Variants in SUMF1 observed in about 807,000 individuals in gnomAD.
SUMF1 encodes formylglycine-generating enzyme.
Under a neutral mutation model 47.6 loss-of-function variants are expected in SUMF1, and 48 were observed. That is an observed-to-expected ratio of 1.01 (90% CI 0.80 to 1.28). The LOEUF (loss-of-function observed/expected upper bound fraction) is 1.28. SUMF1 is among the 50% of genes most tolerant of loss of function. The probability of loss-of-function intolerance (pLI) is 0.00; values close to 1 mark genes in which losing one functional copy is unlikely to be tolerated. For missense variants in SUMF1, 571 were observed against 485.4 expected, an observed-to-expected ratio of 1.18 and a Z score of -1.66; for synonymous variants, 230 against 192.1, an observed-to-expected ratio of 1.20 and a Z score of -1.63.
At chr3:4,311,074 C>A (rs1698386755) in intron 8 of SUMF1, among the ~76,000 whole-genome samples, 1 of 152,164 alleles carries the variant, frequency 6.6e-6, no homozygotes, top group South Asian at 2.1e-4. Context: ...AGAAACAACA[C>A]AAACAAAAGC....
At chr3:4,165,336 C>T (rs1694675101) in intron 8 of SUMF1, among the ~76,000 whole-genome samples, 1 of 152,100 alleles carries the variant, frequency 6.6e-6, no homozygotes, top group Non-Finnish European at 1.5e-5. Context: ...CCGGGTTGGG[C>T]TAAATTCCCT....
At chr3:4,167,126 T>G (rs2125119861) in intron 8 of SUMF1, among the ~76,000 whole-genome samples, 1 of 152,066 alleles carries the variant, frequency 6.6e-6, no homozygotes, top group South Asian at 2.1e-4. Context: ...CTCACTAACT[T>G]CAAGAATGAA....
At chr3:4,287,396 A>G (rs1461623957) in intron 8 of SUMF1, among the ~76,000 whole-genome samples, 1 of 127,860 alleles carries the variant, frequency 7.8e-6, no homozygotes, top group Non-Finnish European at 1.7e-5. Flanking sequence ...AAGAATAATG[A>G]ACATAAATTG....
intron 8 of SUMF1, among the ~76,000 whole-genome samples, chr3:4,105,234 G>T (rs1218662065): frequency 6.6e-6 from 1 of 152,080 alleles, no homozygotes; most frequent in African/African-American, 2.4e-5. Flanking sequence ...TGGGAGGGTA[G>T]AATGAGAAAA....
chr3:4,425,003 C>T (rs1702024295), intron 3 of SUMF1, among the ~76,000 whole-genome samples: 1 of 152,208 alleles, frequency 6.6e-6, no homozygotes, highest in Admixed American at 6.5e-5. Flanking sequence ...ATGCCAGTTG[C>T]ATCCTTCTTC....
intron 8 of SUMF1, among the ~76,000 whole-genome samples, chr3:4,293,716 A>C (rs757195668): frequency 2.1e-4 from 32 of 152,224 alleles, no homozygotes; most frequent in Non-Finnish European, 4.0e-4. Flanking sequence ...CAGTGAGATC[A>C]AGGTTTCCTT....
intron 9 of SUMF1, among the ~76,000 whole-genome samples, chr3:4,041,632 T>C (rs1485455487): frequency 6.6e-6 from 1 of 152,078 alleles, no homozygotes; most frequent in African/African-American, 2.4e-5. Context: ...GGAAGAAAAC[T>C]TGCCCCCATT....
chr3:4,262,027 T>C (rs1310729043), intron 8 of SUMF1, among the ~76,000 whole-genome samples: 1 of 152,190 alleles, frequency 6.6e-6, no homozygotes, highest in Non-Finnish European at 1.5e-5. Flanking sequence ...GGCCCTCTTC[T>C]TTTCAAAATG....
chr3:4,310,618 T>G (rs887771261), intron 8 of SUMF1, among the ~76,000 whole-genome samples: 2 of 152,230 alleles, frequency 1.3e-5, no homozygotes, highest in African/African-American at 4.8e-5. Flanking sequence ...GGATTATAGC[T>G]TGTGCAGCAA....
intron 8 of SUMF1, among the ~76,000 whole-genome samples, chr3:4,253,703 C>T (rs975352631): frequency 6.7e-6 from 1 of 149,626 alleles, no homozygotes; most frequent in Non-Finnish European, 1.5e-5. Context: ...CCGCCATTGG[C>T]CAGGCTTGAT....
intron 8 of SUMF1, among the ~76,000 whole-genome samples, chr3:4,367,742 TCCC>T (rs1700027266): frequency 6.6e-6 from 1 of 152,136 alleles, no homozygotes; most frequent in African/African-American, 2.4e-5. Context: ...GGGAAAGGAT[TCCC>T]TATTTAATAA....
chr3:4,054,401 G>T (rs1233166845), intron 9 of SUMF1, among the ~76,000 whole-genome samples: 1 of 152,096 alleles, frequency 6.6e-6, no homozygotes, highest in East Asian at 1.9e-4. Flanking sequence ...TGAAAACCTT[G>T]CTGACAACAG....
chr3:4,303,643 C>T, intron 8 of SUMF1: 4 of 1,428,014 alleles, frequency 2.8e-6, no homozygotes, highest in Non-Finnish European at 3.7e-6. Flanking sequence ...TCTTACAGCG[C>T]ACCCGTTGGT....
chr3:4,176,096 CA>C (rs1694953980), intron 8 of SUMF1, among the ~76,000 whole-genome samples: 1 of 152,070 alleles, frequency 6.6e-6, no homozygotes, highest in Admixed American at 6.6e-5. Flanking sequence ...AGAGTGGAAC[CA>C]AGATGGAAAA....
rs564479619 is a variant in SUMF1, at chr3:4,374,725, G to T, written c.1014+1605C>A. On this transcript the variant is annotated intron_variant, in intron 8 of 8. Coordinates refer to ENST00000272902, the MANE Select transcript of SUMF1 (RefSeq NM_182760.4). ...ATTCACCTGTTTTCCATGGAAGTCT[G>T]GTTTCCTGGCAAGAAGATCCAGGTA... is the stretch of plus-strand genomic sequence containing the variant. Among the ~76,000 whole-genome samples, 5 of 152,228 alleles carry T rather than the reference G, an allele frequency of 3.3e-5. No homozygotes were observed. In the East Asian group the frequency reaches 9.6e-4, roughly 29 times the overall value.
chr3:4,406,076 G>C (rs1032941265), intron 7 of SUMF1, among the ~76,000 whole-genome samples: 2 of 151,604 alleles, frequency 1.3e-5, no homozygotes, highest in African/African-American at 4.8e-5. Flanking sequence ...TGCTTCTAAA[G>C]GCCAGCGTTT....
chr3:4,277,899 A>C (rs1291640822), intron 8 of SUMF1, among the ~76,000 whole-genome samples: 1 of 152,120 alleles, frequency 6.6e-6, no homozygotes, highest in African/African-American at 2.4e-5. Context: ...GTGGTAATCT[A>C]ATCATCACTA....
At chr3:4,229,265 T>G in intron 8 of SUMF1, 1 of 333,834 alleles carries the variant, frequency 3.0e-6, no homozygotes, top group Non-Finnish European at 5.9e-6. Context: ...ACCCGGACAA[T>G]CATCCTCCTT....
intron 8 of SUMF1, among the ~76,000 whole-genome samples, chr3:4,335,472 T>G (rs1699128068): frequency 6.6e-6 from 1 of 152,168 alleles, no homozygotes; most frequent in South Asian, 2.1e-4. Context: ...AAGGCTACTC[T>G]CCACCATCAC....
Sources: allele counts gnomAD v4.1 joint callset (sites outside exome capture counted in the v4.1 genomes callset), GRCh38; gene constraint gnomAD v4.1.1; transcripts MANE v1.5; gene names NCBI Gene and HGNC (gene_info 2026-07-23, HGNC 2026-07-21).